Variants in RANBP17 observed in about 807,000 individuals in gnomAD.
The protein encoded by RANBP17 is ran-binding protein 17.
A neutral mutation model predicts 141.2 loss-of-function variants in RANBP17; 158 were observed. That is an observed-to-expected ratio of 1.12 (90% confidence interval 0.98 to 1.28). The LOEUF (loss-of-function observed/expected upper bound fraction) is 1.28, where lower values mean the gene tolerates loss of function less well. RANBP17 is among the 50% of genes most tolerant of loss of function. RANBP17 has a pLI of 0.00. For synonymous variants in RANBP17, 430 were observed against 450.0 expected (o/e 0.96, Z 0.56); for missense variants, 1,438 against 1,290.7 (o/e 1.11, Z -1.75).
chr5:171,058,999 TG>T (rs1561603254), intron 14 of RANBP17, among the ~76,000 whole-genome samples: 2 of 152,024 alleles, frequency 1.3e-5, no homozygotes, highest in African/African-American at 4.8e-5. Context: ...ACCCACTTTT[TG>T]ATGGAGTTGT....
chr5:170,882,660 C>T (rs1169241140), intron 3 of RANBP17, among the ~76,000 whole-genome samples: 1 of 152,070 alleles, frequency 6.6e-6, no homozygotes, highest in Admixed American at 6.6e-5. Context: ...GAATTCAGCT[C>T]TCTGGTGTTT....
At chr5:171,004,090 G>C (rs1235158904) in intron 14 of RANBP17, among the ~76,000 whole-genome samples, 1 of 152,200 alleles carries the variant, frequency 6.6e-6, no homozygotes, top group Non-Finnish European at 1.5e-5. Context: ...TAGCAGGCAA[G>C]TGATAACAGG....
chr5:171,152,416 CA>C (rs768140674), intron 14 of RANBP17, among the ~76,000 whole-genome samples: 1,848 of 118,248 alleles, frequency 0.016, 23 homozygotes, highest in South Asian at 0.052. Context: ...GACTCTATCT[CA>C]AAAAAAAAAA....
At chr5:170,883,638 C>T (rs750751187) in intron 3 of RANBP17, among the ~76,000 whole-genome samples, 1 of 151,904 alleles carries the variant, frequency 6.6e-6, no homozygotes, top group Non-Finnish European at 1.5e-5. Context: ...TTTTTACTGT[C>T]TCCATAGCTT....
At position 170,910,964 on chromosome 5, in the gene RANBP17, T is replaced by C. The variant is rs754476961; in HGVS notation, c.595-5T>C. 1 of 1,609,372 alleles carries C rather than the reference T, an allele frequency of 6.2e-7. No homozygotes were observed. Among genetic ancestry groups the C allele is most frequent in the Admixed American group, 1.7e-5 (1 of 59,732 alleles). On this transcript the variant is annotated splice_region_variant and splice_polypyrimidine_tract_variant and intron_variant, in intron 6 of 27. Coordinates refer to ENST00000523189, the MANE Select transcript of RANBP17 (RefSeq NM_022897.5). ...GTGTTTTCTTTGATTTTGTACTTTT[T>C]TCAGGTGTTTGCCAAACCTTTAAAT...
chr5:171,014,958 C>T (rs958961597), intron 14 of RANBP17, among the ~76,000 whole-genome samples: 2 of 151,968 alleles, frequency 1.3e-5, no homozygotes, highest in Admixed American at 1.3e-4. Flanking sequence ...TTTTTTTCCC[C>T]TTTCAATACA....
At chr5:171,007,357 G>A (rs933306994) in intron 14 of RANBP17, among the ~76,000 whole-genome samples, 2 of 78,022 alleles carry the variant, frequency 2.6e-5, no homozygotes, top group African/African-American at 9.0e-5. Context: ...ACCAGACCAG[G>A]TGTGGAGAGG....
intron 1 of RANBP17, among the ~76,000 whole-genome samples, chr5:170,868,832 T>G (rs1235532382): frequency 3.3e-5 from 5 of 152,192 alleles, no homozygotes; most frequent in African/African-American, 1.2e-4. Flanking sequence ...TAAAGTTTCC[T>G]TAGAAAATGA....
At chr5:171,273,857 G>A (rs943224643) in intron 25 of RANBP17, among the ~76,000 whole-genome samples, 1 of 152,028 alleles carries the variant, frequency 6.6e-6, no homozygotes, top group African/African-American at 2.4e-5. Flanking sequence ...TTAAAAGGAT[G>A]TAGTTATTTT....
intron 3 of RANBP17, among the ~76,000 whole-genome samples, chr5:170,890,527 T>G (rs908556117): frequency 1.3e-5 from 2 of 152,182 alleles, no homozygotes; most frequent in Non-Finnish European, 2.9e-5. Context: ...TCAAGAATGC[T>G]TGTTGCATAC....
At chr5:171,028,874 G>T in intron 14 of RANBP17, 1 of 1,276,710 alleles carries the variant, frequency 7.8e-7, no homozygotes, top group South Asian at 1.2e-5. Flanking sequence ...TTGCACAGAA[G>T]ACAGACATCT....
chr5:170,906,889 AG>A (rs1395832258), intron 5 of RANBP17, among the ~76,000 whole-genome samples: 1 of 151,972 alleles, frequency 6.6e-6, no homozygotes, highest in African/African-American at 2.4e-5. Flanking sequence ...TTTTAAGAAA[AG>A]CTTTAAGGTC....
At chr5:170,983,474 A>T (rs936124197) in intron 14 of RANBP17, among the ~76,000 whole-genome samples, 3 of 152,254 alleles carry the variant, frequency 2.0e-5, no homozygotes, top group African/African-American at 7.2e-5. Flanking sequence ...GTTATGAATG[A>T]TGAATACAGT....
At chr5:170,937,234 G>A (rs1455097195) in intron 12 of RANBP17, among the ~76,000 whole-genome samples, 10 of 152,172 alleles carry the variant, frequency 6.6e-5, no homozygotes, top group African/African-American at 2.4e-4. Flanking sequence ...CAAACCATGT[G>A]AGGTCTGACT....
In RANBP17 at chr5:171,099,448, A is replaced by G. The variant is rs149100812; in HGVS notation, c.1711-70682A>G. 1.1e-3 allele frequency among the ~76,000 whole-genome samples: 169 copies of G among 152,230 alleles called. 4 individuals carry two copies. Among genetic ancestry groups the G allele is most frequent in the Non-Finnish European group, 3.4e-4 (23 of 68,018 alleles). ...GAATGCTCGTGATTTTCGCACGTTGATTTTATATCCTGAGACTTTGTTGAC... is the reference window on the plus strand; with the variant it reads ...GAATGCTCGTGATTTTCGCACGTTGGTTTTATATCCTGAGACTTTGTTGAC... On this transcript the variant is annotated intron_variant, in intron 14 of 27. Coordinates refer to ENST00000523189, the MANE Select transcript of RANBP17 (RefSeq NM_022897.5).
intron 14 of RANBP17, among the ~76,000 whole-genome samples, chr5:171,143,670 C>A (rs1371404970): frequency 6.6e-6 from 1 of 152,150 alleles, no homozygotes; most frequent in African/African-American, 2.4e-5. Flanking sequence ...GTATCCCAGT[C>A]CCTATGCTTA....
chr5:171,181,914 G>C (rs1184998834), intron 16 of RANBP17, among the ~76,000 whole-genome samples: 4 of 152,202 alleles, frequency 2.6e-5, no homozygotes, highest in African/African-American at 9.6e-5. Context: ...TTGGGCATAG[G>C]TTTCATCCTC....
At chr5:171,140,056 C>T (rs1198569357) in intron 14 of RANBP17, among the ~76,000 whole-genome samples, 1 of 152,144 alleles carries the variant, frequency 6.6e-6, no homozygotes, top group African/African-American at 2.4e-5. Context: ...TTCTGTTTCT[C>T]CCAACCTTCC....
At chr5:170,882,841 A>T (rs865998126) in intron 3 of RANBP17, among the ~76,000 whole-genome samples, 2 of 152,204 alleles carry the variant, frequency 1.3e-5, no homozygotes, top group Non-Finnish European at 2.9e-5. Context: ...TTTTGTGTGT[A>T]TGTAAGTAGC....
Sources: allele counts gnomAD v4.1 joint callset (sites outside exome capture counted in the v4.1 genomes callset), GRCh38; gene constraint gnomAD v4.1.1; transcripts MANE v1.5; gene names NCBI Gene and HGNC (gene_info 2026-07-23, HGNC 2026-07-21).